Variants in SRFBP1 observed in about 807,000 individuals in gnomAD.
The protein encoded by SRFBP1 is serum response factor-binding protein 1.
SRFBP1 carries 47 observed loss-of-function variants against 45.5 expected under a neutral mutation model. The ratio of observed to expected loss-of-function variants is 1.03; its 90% CI spans 0.82 to 1.32. The LOEUF is 1.32. SRFBP1 is among the 40% of genes most tolerant of loss of function. The probability of loss-of-function intolerance (pLI) is 0.00; values close to 1 mark genes in which losing one functional copy is unlikely to be tolerated. For synonymous variants in SRFBP1, 203 were observed against 166.3 expected, an observed-to-expected ratio of 1.22 and a Z score of -1.70; for missense variants, 621 against 484.6, an observed-to-expected ratio of 1.28 and a Z score of -2.64.
At chr5:121,979,778 A>G (rs1056439512) in intron 3 of SRFBP1, among the ~76,000 whole-genome samples, 1 of 152,150 alleles carries the variant, frequency 6.6e-6, no homozygotes, top group Non-Finnish European at 1.5e-5. Context: ...AGAGTCTCCA[A>G]ATGAGGAAGT....
At chr5:122,003,217 C>A (rs1752909257) in intron 4 of SRFBP1, among the ~76,000 whole-genome samples, 1 of 151,892 alleles carries the variant, frequency 6.6e-6, no homozygotes, top group Non-Finnish European at 1.5e-5. Flanking sequence ...TGGTGACACA[C>A]AGCTGTAGTC....
At chr5:121,992,746 C>T (rs992075335) in intron 3 of SRFBP1, among the ~76,000 whole-genome samples, 1 of 152,004 alleles carries the variant, frequency 6.6e-6, no homozygotes, top group Non-Finnish European at 1.5e-5. Context: ...ACATGTTTTC[C>T]ACTTATTAGC....
intron 6 of SRFBP1, among the ~76,000 whole-genome samples, chr5:122,021,930 G>A (rs1753334555): frequency 6.6e-6 from 1 of 151,376 alleles, no homozygotes; most frequent in Non-Finnish European, 1.5e-5. Context: ...TCCTGACCTT[G>A]TGATCCACCC....
At chr5:122,034,089 G>C (rs1221728024) in intron 2 of SRFBP1, among the ~76,000 whole-genome samples, 1 of 152,202 alleles carries the variant, frequency 6.6e-6, no homozygotes, top group Non-Finnish European at 1.5e-5. Flanking sequence ...CTCCCATGGT[G>C]CTGGGATTAA....
intron 3 of SRFBP1, among the ~76,000 whole-genome samples, chr5:121,991,809 G>C (rs1752626896): frequency 1.3e-5 from 2 of 152,050 alleles, no homozygotes; most frequent in East Asian, 3.8e-4. Context: ...TGTTTTAGGA[G>C]ACAGTATTCC....
rs539513376 is a variant in SRFBP1 at position 122,056,888 on chromosome 5, A to T, written n.312-18427A>T. 3.3e-5 allele frequency among the ~76,000 whole-genome samples: 5 copies of T among 152,316 alleles called. No homozygotes were observed. In the South Asian group the frequency reaches 1.0e-3, roughly 32 times the overall value. On this transcript the variant is annotated intron_variant and non_coding_transcript_variant, in intron 2 of 2. Coordinates refer to the SRFBP1 transcript ENST00000504881. ...AGGGAAATAGTCAGTTGTCTAGAAT[A>T]GCCAGAGGAAAGAATACATGAAAAT...
downstream of SRFBP1, among the ~76,000 whole-genome samples, chr5:122,076,387 C>CT (rs1413098397): frequency 6.6e-6 from 1 of 152,172 alleles, no homozygotes; most frequent in Non-Finnish European, 1.5e-5. Flanking sequence ...AAAAACAAAG[C>CT]TCTTGCTCAC....
chr5:122,010,142 A>C (rs968924824), intron 4 of SRFBP1, among the ~76,000 whole-genome samples: 1 of 152,090 alleles, frequency 6.6e-6, no homozygotes, highest in Non-Finnish European at 1.5e-5. Context: ...TCCAGCATTC[A>C]TTTCCTTCTG....
intron 2 of SRFBP1, among the ~76,000 whole-genome samples, chr5:122,058,933 G>C (rs1754128602): frequency 6.6e-6 from 1 of 152,058 alleles, no homozygotes; most frequent in African/African-American, 2.4e-5. Flanking sequence ...TATTCTGATG[G>C]GGAAAATCCA....
At chr5:121,998,238 C>T (rs1009600014) in intron 4 of SRFBP1, among the ~76,000 whole-genome samples, 4 of 151,854 alleles carry the variant, frequency 2.6e-5, no homozygotes, top group Admixed American at 6.6e-5. Context: ...TGGCGTTATT[C>T]GCAATAGCAA....
intron 7 of SRFBP1, among the ~76,000 whole-genome samples, chr5:122,025,104 C>T (rs992651037): frequency 3.9e-5 from 6 of 152,076 alleles, no homozygotes; most frequent in Non-Finnish European, 8.8e-5. Context: ...AATGCTATCC[C>T]TCCCCACTCC....
Position 122,020,557 on chromosome 5 carries a change from C to T in SRFBP1, c.822C>T (p.Ser274=). 1 of 1,614,098 alleles carries T rather than the reference C, an allele frequency of 6.2e-7. No individual in the cohort carries two copies. Among genetic ancestry groups the T allele is most frequent in the Non-Finnish European group, 8.5e-7 (1 of 1,179,992 alleles). ...AAGAAAGGTTTTACAAGCAGTCTTC[C>T]ATGTCTGAAGATAGTGATAGCGGTG... is the stretch of plus-strand genomic sequence containing the variant. ...STEERFYKQS[S]MSEDSDSGDD... is the part of the protein sequence containing the mutation. Residue 274 remains serine, a synonymous_variant, in exon 6 of 8, where the codon TCC becomes TCT. Coordinates refer to ENST00000339397, the MANE Select transcript of SRFBP1 (RefSeq NM_152546.3).
At chr5:122,013,873 A>C (rs1753143004) in intron 4 of SRFBP1, among the ~76,000 whole-genome samples, 1 of 152,158 alleles carries the variant, frequency 6.6e-6, no homozygotes, top group Non-Finnish European at 1.5e-5. Context: ...AATGGTCGTT[A>C]CCAGAGGCTG....
intron 3 of SRFBP1, among the ~76,000 whole-genome samples, chr5:121,980,615 T>C (rs1752389149): frequency 6.6e-6 from 1 of 152,052 alleles, no homozygotes; most frequent in Non-Finnish European, 1.5e-5. Context: ...AGAAGAAAAA[T>C]GTTGTTTCCT....
At chr5:121,991,827 T>G (rs1752627187) in intron 3 of SRFBP1, among the ~76,000 whole-genome samples, 1 of 152,132 alleles carries the variant, frequency 6.6e-6, no homozygotes, top group African/African-American at 2.4e-5. Context: ...TCCCTTTTAA[T>G]GACACATATA....
chr5:122,012,209 G>T (rs115255005), intron 4 of SRFBP1, among the ~76,000 whole-genome samples: 15,117 of 151,920 alleles, frequency 0.1, 946 homozygotes, highest in Non-Finnish European at 0.14. Flanking sequence ...GTTGAAATTT[G>T]AATTTTAAAA....
chr5:122,055,080 A>G (rs2152579316), intron 2 of SRFBP1, among the ~76,000 whole-genome samples: 1 of 152,298 alleles, frequency 6.6e-6, no homozygotes, highest in South Asian at 2.1e-4. Context: ...CCATAGACTG[A>G]GTGGCTTGTA....
rs771247239 is a variant in SRFBP1 at position 121,961,980 on chromosome 5, C to T, written c.-53C>T. 1.2e-6 allele frequency: 2 copies of T among 1,612,798 alleles called. No individual in the cohort carries two copies. Among genetic ancestry groups the T allele is most frequent in the Admixed American group, 3.3e-5 (2 of 60,004 alleles). On this transcript the variant is annotated 5_prime_UTR_variant, in exon 1 of 8. Coordinates refer to ENST00000339397, the MANE Select transcript of SRFBP1 (RefSeq NM_152546.3). ...AGGGGCGTGGCGACGCAGCCGCGGTCTGAGAGACCGGTTCACGTGCAGGCA... is the reference window on the plus strand; with the variant it reads ...AGGGGCGTGGCGACGCAGCCGCGGTTTGAGAGACCGGTTCACGTGCAGGCA...
chr5:121,967,785 G>T (rs959820564), intron 1 of SRFBP1, among the ~76,000 whole-genome samples: 2 of 152,168 alleles, frequency 1.3e-5, no homozygotes, highest in Admixed American at 6.5e-5. Flanking sequence ...GTTGTGATGA[G>T]TCGAGATCAC....
Sources: allele counts gnomAD v4.1 joint callset (sites outside exome capture counted in the v4.1 genomes callset), GRCh38; gene constraint gnomAD v4.1.1; transcripts MANE v1.5; gene names NCBI Gene and HGNC (gene_info 2026-07-23, HGNC 2026-07-21).